DRC9: variants seen among roughly 807,000 people sequenced by gnomAD.
DRC9 encodes dynein regulatory complex protein 9.
At chr3:197,909,278 T>C in the DRC9 span, among the ~76,000 whole-genome samples, 1 of 152,162 alleles carries the variant, frequency 6.6e-6, no homozygotes, top group Non-Finnish European at 1.5e-5. Context: ...ACAAGTACAC[T>C]GGACTTTCTA....
the DRC9 span, among the ~76,000 whole-genome samples, chr3:197,918,001 C>T: frequency 2.0e-5 from 3 of 152,024 alleles, no homozygotes; most frequent in Non-Finnish European, 2.9e-5. Context: ...TCCCAAAGTG[C>T]TGGGATTACA....
the DRC9 span, among the ~76,000 whole-genome samples, chr3:197,904,475 G>T: frequency 3.1e-3 from 477 of 152,234 alleles, 5 homozygotes; most frequent in African/African-American, 0.011. Flanking sequence ...AATTAGATGT[G>T]GAAGAGATGT....
chr3:197,923,937 G>A, the DRC9 span, among the ~76,000 whole-genome samples: 4 of 152,022 alleles, frequency 2.6e-5, no homozygotes, highest in Non-Finnish European at 4.4e-5. Flanking sequence ...GTGGTGGCAC[G>A]TGCCTGTAGT....
the DRC9 span, chr3:197,950,650 T>G: frequency 2.0e-6 from 1 of 491,772 alleles, no homozygotes; most frequent in South Asian, 2.6e-5. Flanking sequence ...TGTTGCCTAC[T>G]GATAACGGCA....
At chr3:197,954,727 T>G in the DRC9 span, among the ~76,000 whole-genome samples, 1 of 152,126 alleles carries the variant, frequency 6.6e-6, no homozygotes, top group African/African-American at 2.4e-5. Context: ...AGGCTGGTCT[T>G]GAACTCCTGA....
At chr3:197,935,166 C>T in the DRC9 span, among the ~76,000 whole-genome samples, 16 of 152,084 alleles carry the variant, frequency 1.1e-4, no homozygotes, top group African/African-American at 3.4e-4. Context: ...TGTGGCCGGG[C>T]GCAGTGGCTC....
At chr3:197,958,667 G>A in the DRC9 span, 7 of 152,196 alleles carry the variant, frequency 4.6e-5, no homozygotes, top group East Asian at 1.9e-4. Context: ...GAAAACAAAC[G>A]GTTGAGACTT....
chr3:197,954,955 T>C, the DRC9 span, among the ~76,000 whole-genome samples: 1 of 152,240 alleles, frequency 6.6e-6, no homozygotes, highest in Non-Finnish European at 1.5e-5. Flanking sequence ...TTAGTAGCTT[T>C]ATTTTGTACA....
chr3:197,944,125 G>T, the DRC9 span: 1 of 1,311,692 alleles, frequency 7.6e-7, no homozygotes, highest in Non-Finnish European at 1.1e-6. Flanking sequence ...AGCACAGGCA[G>T]CAACGTGCTG....
At chr3:197,922,126 CT>C in the DRC9 span, among the ~76,000 whole-genome samples, 1 of 152,144 alleles carries the variant, frequency 6.6e-6, no homozygotes, top group Non-Finnish European at 1.5e-5. Flanking sequence ...TTCTTTCTTT[CT>C]TTTTTTAAGA....
At chr3:197,951,004 A>T in the DRC9 span, 3 of 1,612,058 alleles carry the variant, frequency 1.9e-6, no homozygotes, top group Non-Finnish European at 1.7e-6. Flanking sequence ...ATAGTTCTTT[A>T]TTTTTGTGTG....
the DRC9 span, chr3:197,950,432 G>C: frequency 2.5e-6 from 2 of 798,146 alleles, no homozygotes; most frequent in South Asian, 5.9e-5. Flanking sequence ...GGTTATCCCA[G>C]TTAAATTCCT....
At chr3:197,945,851 A>C in the DRC9 span, among the ~76,000 whole-genome samples, 7 of 152,338 alleles carry the variant, frequency 4.6e-5, no homozygotes, top group Middle Eastern at 3.4e-3. Context: ...AGCCTCCGAC[A>C]TCATGGAGTG....
chr3:197,917,532 T>C, the DRC9 span, among the ~76,000 whole-genome samples: 1 of 152,192 alleles, frequency 6.6e-6, no homozygotes, highest in African/African-American at 2.4e-5. Flanking sequence ...AGTTGTAGGA[T>C]TGCAGGCAAA....
the DRC9 span, among the ~76,000 whole-genome samples, chr3:197,955,078 C>T: frequency 6.6e-6 from 1 of 152,110 alleles, no homozygotes; most frequent in Non-Finnish European, 1.5e-5. Context: ...CGTACTTTTT[C>T]TTTAGGGTCC....
At chr3:197,944,553 A>G in the DRC9 span, among the ~76,000 whole-genome samples, 1 of 151,906 alleles carries the variant, frequency 6.6e-6, no homozygotes, top group South Asian at 2.1e-4. Context: ...GGTTCACACC[A>G]TTCTCCTGCC....
the DRC9 span, among the ~76,000 whole-genome samples, chr3:197,932,962 ATATAT>A: frequency 2.1e-5 from 3 of 140,294 alleles, no homozygotes; most frequent in South Asian, 2.1e-4. Context: ...ATATATTATT[ATATAT>A]TATATTATAT....
the DRC9 span, chr3:197,952,761 TG>T: frequency 2.0e-5 from 3 of 152,284 alleles, no homozygotes; most frequent in Non-Finnish European, 4.4e-5. Flanking sequence ...CCCAGAGTGC[TG>T]GGATTATAGC....
the DRC9 span, chr3:197,914,162 C>T: frequency 3.9e-3 from 3,179 of 825,626 alleles, 12 homozygotes; most frequent in Middle Eastern, 6.9e-3. Flanking sequence ...ACTATTTTTC[C>T]GCTGTCACAC....
Sources: gnomAD v4.1 joint callset for allele counts (sites outside exome capture counted in the v4.1 genomes callset) on GRCh38, gnomAD v4.1.1 for gene constraint, MANE v1.5 for transcripts, NCBI Gene and HGNC (gene_info 2026-07-23, HGNC 2026-07-21) for gene names.